Variants in ERC1 observed in about 807,000 individuals in gnomAD.
ERC1 encodes RAB6 interacting protein 2.
Under a neutral mutation model 132.0 loss-of-function variants are expected in ERC1, and 56 were observed. The observed-to-expected ratio is 0.42, with a 90% CI of 0.34 to 0.53. The LOEUF (loss-of-function observed/expected upper bound fraction) is 0.53. Among genes scored for constraint, ERC1 ranks in the 20% least tolerant of loss-of-function variants. The pLI is 0.03. For missense variants in ERC1, 1,202 were observed against 1,349.9 expected, an observed-to-expected ratio of 0.89 and a Z score of 1.72; for synonymous variants, 478 against 476.1, an observed-to-expected ratio of 1.00 and a Z score of -0.05.
intron 3 of ERC1, among the ~76,000 whole-genome samples, chr12:1,093,984 T>TATATATATATATATATATAGAA (rs1555236191): frequency 7.6e-6 from 1 of 131,360 alleles, no homozygotes; most frequent in Non-Finnish European, 1.6e-5. Flanking sequence ...TATATATATA[T>TATATATATATATATATATAGAA]AGAAAAACAT....
intron 14 of ERC1, among the ~76,000 whole-genome samples, chr12:1,283,729 T>C (rs2078846147): frequency 6.6e-6 from 1 of 152,156 alleles, no homozygotes. Context: ...TTTAAGAAAA[T>C]GATTTTACTA....
intron 12 of ERC1, among the ~76,000 whole-genome samples, chr12:1,232,362 T>C (rs949407019): frequency 6.6e-6 from 1 of 152,250 alleles, no homozygotes; most frequent in African/African-American, 2.4e-5. Flanking sequence ...ATTTGAGAGA[T>C]TCTCAGGCAA....
intron 17 of ERC1, among the ~76,000 whole-genome samples, chr12:1,425,915 T>C (rs2092620357): frequency 6.6e-6 from 1 of 152,192 alleles, no homozygotes; most frequent in South Asian, 2.1e-4. Context: ...TATTCATCTC[T>C]GAAATGGAAG....
intron 18 of ERC1, among the ~76,000 whole-genome samples, chr12:1,484,097 A>G (rs1415310310): frequency 3.8e-4 from 51 of 133,160 alleles, no homozygotes; most frequent in Non-Finnish European, 1.5e-4. Context: ...CGAGGTCAGG[A>G]GATCAAGACC....
chr12:1,276,018 T>C (rs919682942), intron 14 of ERC1, among the ~76,000 whole-genome samples: 12 of 152,192 alleles, frequency 7.9e-5, no homozygotes, highest in Admixed American at 2.6e-4. Flanking sequence ...TGTAATGTTT[T>C]CTAGGTCGAA....
chr12:1,119,341 C>T (rs1173709589), intron 7 of ERC1, among the ~76,000 whole-genome samples: 7 of 151,702 alleles, frequency 4.6e-5, no homozygotes, highest in African/African-American at 1.5e-4. Context: ...TATATGGAAT[C>T]GCTCCCGTTT....
intron 15 of ERC1, among the ~76,000 whole-genome samples, chr12:1,314,748 C>T (rs543781267): frequency 3.3e-5 from 5 of 152,060 alleles, no homozygotes; most frequent in South Asian, 4.1e-4. Flanking sequence ...AATATGTTTT[C>T]GTTTTACCTT....
chr12:1,304,779 CTTTTT>C (rs1186965322), intron 15 of ERC1, among the ~76,000 whole-genome samples: 44 of 70,070 alleles, frequency 6.3e-4, no homozygotes, highest in Non-Finnish European at 1.1e-3. Context: ...TGTTGTAACT[CTTTTT>C]TTTTTTTTTT....
intron 14 of ERC1, 152 bp downstream of exon 14, chr12:1,263,317 C>A: frequency 1.5e-6 from 1 of 654,430 alleles, no homozygotes; most frequent in East Asian, 2.9e-5. Flanking sequence ...TCCTTCATAG[C>A]GGTATTAGAT....
At chr12:1,188,935 G>A (rs938109330) in intron 11 of ERC1, among the ~76,000 whole-genome samples, 1 of 152,170 alleles carries the variant, frequency 6.6e-6, no homozygotes, top group Non-Finnish European at 1.5e-5. Context: ...AAGACAGCTA[G>A]GGACTTGAAA....
intron 15 of ERC1, among the ~76,000 whole-genome samples, chr12:1,292,138 C>A (rs1443161942): frequency 6.6e-6 from 1 of 152,184 alleles, no homozygotes; most frequent in Non-Finnish European, 1.5e-5. Flanking sequence ...ATTCAAACTC[C>A]TCCTGCAGGC....
At chr12:1,187,790 T>G (rs1447198237) in intron 11 of ERC1, among the ~76,000 whole-genome samples, 3 of 152,212 alleles carry the variant, frequency 2.0e-5, no homozygotes, top group African/African-American at 7.2e-5. Flanking sequence ...ACTGAGGATA[T>G]ATAGTGGTGG....
chr12:1,293,747 A>C (rs1356324793), intron 15 of ERC1, among the ~76,000 whole-genome samples: 1 of 152,182 alleles, frequency 6.6e-6, no homozygotes, highest in Non-Finnish European at 1.5e-5. Flanking sequence ...ATTATATCCT[A>C]GTAACAATTT....
At chr12:1,401,447 TC>T (rs1056594384) in intron 16 of ERC1, among the ~76,000 whole-genome samples, 2 of 152,172 alleles carry the variant, frequency 1.3e-5, no homozygotes, top group African/African-American at 2.4e-5. Flanking sequence ...TTCTGTTCTT[TC>T]CTCTGGTGTA....
At chr12:1,454,911 A>G (rs2093498043) in intron 18 of ERC1, among the ~76,000 whole-genome samples, 2 of 152,214 alleles carry the variant, frequency 1.3e-5, no homozygotes. Flanking sequence ...AATAGAAGAA[A>G]ACATATTCTT....
intron 2 of ERC1, among the ~76,000 whole-genome samples, chr12:1,048,702 G>A (rs899188361): frequency 1.3e-5 from 2 of 151,990 alleles, no homozygotes; most frequent in Non-Finnish European, 2.9e-5. Context: ...ATTTTTTGGT[G>A]GCAAATTTAT....
At chr12:1,372,118 A>G (rs772052829) in intron 16 of ERC1, 141 bp downstream of exon 16, 1 of 1,090,530 alleles carries the variant, frequency 9.2e-7, no homozygotes, top group Non-Finnish European at 1.3e-6. Flanking sequence ...TTCCATCATT[A>G]GAGACTTTTT....
At chr12:1,111,376 C>A (rs1233715092) in intron 5 of ERC1, among the ~76,000 whole-genome samples, 2 of 152,140 alleles carry the variant, frequency 1.3e-5, no homozygotes, top group Admixed American at 1.3e-4. Context: ...AGTGTTTTCC[C>A]CCTTTATTTC....
chr12:1,197,359 C>T (rs530322576), intron 12 of ERC1, among the ~76,000 whole-genome samples: 1 of 152,254 alleles, frequency 6.6e-6, no homozygotes, highest in East Asian at 1.9e-4. Context: ...TCATGCCTAA[C>T]AATTCCAGTG....
Sources: allele counts gnomAD v4.1 joint callset (sites outside exome capture counted in the v4.1 genomes callset), GRCh38; gene constraint gnomAD v4.1.1; transcripts MANE v1.5; gene names NCBI Gene and HGNC (gene_info 2026-07-23, HGNC 2026-07-21).